The following NCOR2 variants were observed in gnomAD, a reference collection of about 807,000 sequenced individuals.
The protein encoded by NCOR2 is nuclear receptor corepressor 2.
A neutral mutation model predicts 262.9 loss-of-function variants in NCOR2; 81 were observed. That is an observed-to-expected ratio of 0.31 (90% confidence interval 0.26 to 0.37). The LOEUF is 0.37. Ranked by LOEUF, NCOR2 falls within the 10% of genes least tolerant of loss-of-function variation. The pLI is 1.00. For missense variants in NCOR2, 3,385 were observed against 3,621.4 expected (o/e 0.93, Z 1.68); for synonymous variants, 1,659 against 1,559.3 (o/e 1.06, Z -1.51).
chr12:124,359,383 G>A (rs773913811), intron 22 of NCOR2, among the ~76,000 whole-genome samples: 5 of 152,216 alleles, frequency 3.3e-5, no homozygotes, highest in Non-Finnish European at 7.3e-5. Context: ...AATTAATGAT[G>A]CCTGCTGTGA....
intron 26 of NCOR2, 131 bp downstream of exon 28, chr12:124,354,347 A>G: frequency 8.8e-7 from 1 of 1,140,046 alleles, no homozygotes; most frequent in Non-Finnish European, 1.2e-6. Context: ...ATGGTGAGGG[A>G]GACAGCTGTG....
intron 13 of NCOR2, among the ~76,000 whole-genome samples, chr12:124,409,017 T>A (rs1246285764): frequency 6.6e-6 from 1 of 152,198 alleles, no homozygotes; most frequent in Non-Finnish European, 1.5e-5. Context: ...AACCGGCACA[T>A]GCTACAAACG....
intron 1 of NCOR2, among the ~76,000 whole-genome samples, chr12:124,562,918 G>A (rs922972759): frequency 3.9e-5 from 6 of 152,102 alleles, no homozygotes; most frequent in Admixed American, 3.9e-4. Flanking sequence ...CGACACACAG[G>A]AGCTCATTAT....
intron 5 of NCOR2, among the ~76,000 whole-genome samples, chr12:124,458,406 C>A (rs974346988): frequency 6.6e-6 from 1 of 152,188 alleles, no homozygotes; most frequent in Non-Finnish European, 1.5e-5. Flanking sequence ...CAAGCTGGAA[C>A]CTAGAGCTGC....
chr12:124,337,662 G>C (rs576533855), intron 37 of NCOR2, among the ~76,000 whole-genome samples: 2 of 152,346 alleles, frequency 1.3e-5, no homozygotes, highest in Non-Finnish European at 2.9e-5. Context: ...TACCCGAAGA[G>C]CTAAAAAAGC....
chr12:124,520,999 G>A (rs2050153843), intron 1 of NCOR2, among the ~76,000 whole-genome samples: 1 of 152,186 alleles, frequency 6.6e-6, no homozygotes, highest in South Asian at 2.1e-4. Context: ...CCCAGGCAAG[G>A]CCCCCAGCCT....
chr12:124,524,732 C>G (rs1243837562), intron 1 of NCOR2, among the ~76,000 whole-genome samples: 2 of 152,220 alleles, frequency 1.3e-5, no homozygotes, highest in Non-Finnish European at 2.9e-5. Flanking sequence ...CCCCAGGTCT[C>G]CCCTTGAATG....
chr12:124,483,681 C>A lies in NCOR2; in HGVS notation c.326G>T (p.Arg109Leu). ...CAGGGGGTCAGGCAGCAGCTCTAGCCGAGGGCGCTTGCTTTCAATGAACTC... is the reference window on the plus strand; with the variant it reads ...CAGGGGGTCAGGCAGCAGCTCTAGCAGAGGGCGCTTGCTTTCAATGAACTC... The change falls in exon 3 of 47, where the codon CGG becomes CTG. Residue 109 changes from arginine (R) to leucine (L), a missense_variant. Transcript: ENST00000405201. This position sits in a 1 kb window ranked among gnomAD's most constrained non-coding sequence, Gnocchi z 6.3. The A allele has an allele frequency of 6.2e-7, 1 of 1,611,882 alleles. No individual in the cohort carries two copies. The highest frequency in any genetic ancestry group is 8.5e-7 in the Non-Finnish European group (1 of 1,179,186).
intron 27 of NCOR2, 127 bp from the exon 30 acceptor site, chr12:124,350,864 T>A (rs1453359622): frequency 1.0e-5 from 10 of 964,020 alleles, no homozygotes; most frequent in South Asian, 8.6e-5. Flanking sequence ...ACACACACAC[T>A]GTCTCAAATA....
intron 5 of NCOR2, among the ~76,000 whole-genome samples, chr12:124,464,940 G>A (rs149930822): frequency 6.2e-4 from 95 of 152,258 alleles, no homozygotes; most frequent in East Asian, 4.8e-3. Flanking sequence ...AGAGTGAGCC[G>A]GGCACACAGT....
intron 18 of NCOR2, 115 bp from the exon 21 acceptor site, chr12:124,374,578 C>T (rs1208229972): frequency 1.7e-5 from 16 of 935,922 alleles, no homozygotes; most frequent in Non-Finnish European, 2.7e-5. Flanking sequence ...AGTGAGGCCT[C>T]GCTGCTGCTC....
At position 124,326,803 on chromosome 12, in the gene NCOR2, C is replaced by G. The variant is rs1346446911; in HGVS notation, c.7184-433G>C. On this transcript the variant is annotated intron_variant, in intron 45 of 46. Coordinates refer to ENST00000405201, the Ensembl canonical transcript of NCOR2. ...GCCAGGCCTGACCCCCACAGAGGCTCCAGAAGCTTCTTGGGGCCTCAGTGT... is the reference window on the plus strand; with the variant it reads ...GCCAGGCCTGACCCCCACAGAGGCTGCAGAAGCTTCTTGGGGCCTCAGTGT... Among the ~76,000 whole-genome samples, 6 of 152,264 alleles carry G rather than the reference C, an allele frequency of 3.9e-5. No individual in the cohort carries two copies. The East Asian group carries it at 9.7e-4, about 25-fold the overall frequency.
At chr12:124,423,547 C>G (rs560214129) in intron 11 of NCOR2, among the ~76,000 whole-genome samples, 2 of 152,364 alleles carry the variant, frequency 1.3e-5, no homozygotes, top group South Asian at 2.1e-4. Context: ...GCAGGCTTCC[C>G]TGGCCTGGGA....
intron 1 of NCOR2, 66 bp from the exon 4 acceptor site, chr12:124,486,634 A>C: frequency 6.6e-7 from 1 of 1,508,042 alleles, no homozygotes; most frequent in South Asian, 1.2e-5. Flanking sequence ...ACGGCAGGGC[A>C]CAGTGGGCAA....
At position 124,480,319 on chromosome 12, in the gene NCOR2, C is replaced by T. The variant is rs537522587; in HGVS notation, c.411+3277G>A. 1.1e-4 allele frequency among the ~76,000 whole-genome samples: 17 copies of T among 152,296 alleles called. No individual in the cohort carries two copies. The South Asian group carries it at 2.7e-3, about 24-fold the overall frequency. On this transcript the variant is annotated intron_variant, in intron 3 of 46. Coordinates refer to ENST00000405201, the Ensembl canonical transcript of NCOR2. ...TCACAGCTGGCCGGGCACCAGGCTA[C>T]AACAAGGATTAGGATGCCACCTGGC...
At chr12:124,371,931 A>AG (rs1314533528) in intron 20 of NCOR2, 91 bp downstream of exon 22, 15 of 1,327,016 alleles carry the variant, frequency 1.1e-5, no homozygotes, top group South Asian at 1.5e-5. Flanking sequence ...AAGCAGGCAG[A>AG]GCCAGACTGG....
At chr12:124,476,418 C>T (rs2047101486) in intron 3 of NCOR2, among the ~76,000 whole-genome samples, 1 of 152,230 alleles carries the variant, frequency 6.6e-6, no homozygotes. Flanking sequence ...TATCTCTGCT[C>T]TTCCACCTGG....
At chr12:124,486,628 C>T in intron 1 of NCOR2, 60 bp from the exon 4 acceptor site, 1 of 1,516,544 alleles carries the variant, frequency 6.6e-7, no homozygotes, top group Non-Finnish European at 8.8e-7. Flanking sequence ...CGGGGCACGG[C>T]AGGGCACAGT....
chr12:124,428,497 C>A (rs1472323910), intron 10 of NCOR2, among the ~76,000 whole-genome samples: 1 of 152,228 alleles, frequency 6.6e-6, no homozygotes, highest in African/African-American at 2.4e-5. Context: ...GAATCAGAGT[C>A]TCTGGTGAGA....
Sources: allele counts gnomAD v4.1 joint callset (sites outside exome capture counted in the v4.1 genomes callset), GRCh38; gene constraint gnomAD v4.1.1; non-coding constraint Gnocchi (gnomAD v3.1); transcripts MANE v1.5; gene names NCBI Gene and HGNC (gene_info 2026-07-23, HGNC 2026-07-21).